PPFIA2: variants seen among roughly 807,000 people sequenced by gnomAD.
PPFIA2 encodes the protein liprin-alpha-2.
In PPFIA2, 46 loss-of-function variants were observed where a neutral mutation model predicts 175.5. The ratio of observed to expected loss-of-function variants is 0.26; its 90% confidence interval spans 0.21 to 0.34. The LOEUF (loss-of-function observed/expected upper bound fraction) is 0.34. Among genes scored for constraint, PPFIA2 ranks in the 10% least tolerant of loss-of-function variants. The probability of loss-of-function intolerance (pLI) is 1.00; values close to 1 mark genes in which losing one functional copy is unlikely to be tolerated. For synonymous variants in PPFIA2, 568 were observed against 511.4 expected (o/e 1.11, Z -1.49); for missense variants, 1,179 against 1,506.1 (o/e 0.78, Z 3.60).
intron 1 of PPFIA2, chr12:81,758,812 C>CG (rs2153672345): frequency 6.3e-6 from 1 of 159,764 alleles, no homozygotes; most frequent in East Asian, 1.8e-4. Context: ...GACCGGAGAC[C>CG]GGGGACTGGG....
chr12:81,691,926 C>T (rs10862342), intron 3 of PPFIA2, among the ~76,000 whole-genome samples: 51,914 of 151,874 alleles, frequency 0.34, 9,690 homozygotes, highest in Middle Eastern at 0.5. Flanking sequence ...CTAGTGATTT[C>T]TACCTCCTGG....
intron 3 of PPFIA2, among the ~76,000 whole-genome samples, chr12:81,749,888 T>C (rs2083523899): frequency 7.0e-6 from 1 of 143,878 alleles, no homozygotes; most frequent in Non-Finnish European, 1.6e-5. Flanking sequence ...TCTTTCTACA[T>C]CAAAATGCAC....
chr12:81,560,985 T>C (rs1348801313), intron 4 of PPFIA2, among the ~76,000 whole-genome samples: 4 of 152,164 alleles, frequency 2.6e-5, no homozygotes, highest in Non-Finnish European at 5.9e-5. Context: ...TCAATGAGCT[T>C]TGTTCCTAAA....
chr12:81,318,643 G>A (rs1312642022), intron 22 of PPFIA2, among the ~76,000 whole-genome samples: 2 of 151,692 alleles, frequency 1.3e-5, no homozygotes, highest in Non-Finnish European at 3.0e-5. Flanking sequence ...AAAGTGCTGG[G>A]TTATGCCACC....
intron 27 of PPFIA2, among the ~76,000 whole-genome samples, chr12:81,280,833 T>C (rs979949372): frequency 2.0e-5 from 3 of 152,098 alleles, no homozygotes; most frequent in African/African-American, 7.2e-5. Flanking sequence ...AACAATTTCT[T>C]CTCAAAATTT....
chr12:81,608,355 T>C (rs1365393696), intron 4 of PPFIA2, among the ~76,000 whole-genome samples: 1 of 152,120 alleles, frequency 6.6e-6, no homozygotes, highest in African/African-American at 2.4e-5. Flanking sequence ...TTTGGAATAG[T>C]TTCAGTAGGA....
chr12:81,420,033 C>A (rs1009393883), intron 7 of PPFIA2, among the ~76,000 whole-genome samples: 1 of 152,178 alleles, frequency 6.6e-6, no homozygotes, highest in African/African-American at 2.4e-5. Flanking sequence ...ACTAAAAACG[C>A]TGTAGTCTTC....
intron 7 of PPFIA2, among the ~76,000 whole-genome samples, chr12:81,420,289 G>T (rs1317103223): frequency 4.6e-5 from 7 of 152,102 alleles, no homozygotes; most frequent in Admixed American, 1.3e-4. Context: ...TCAAGAAAAT[G>T]CCACAAAAGG....
chr12:81,508,317 G>T (rs2061400628), intron 4 of PPFIA2, among the ~76,000 whole-genome samples: 1 of 151,686 alleles, frequency 6.6e-6, no homozygotes, highest in East Asian at 2.0e-4. Context: ...AGGTCGGGAG[G>T]TCGAGACCAG....
At chr12:81,322,054 C>T in intron 22 of PPFIA2, among the ~76,000 whole-genome samples, 1 of 152,136 alleles carries the variant, frequency 6.6e-6, no homozygotes, top group East Asian at 1.9e-4. Context: ...CAGGCTGGGT[C>T]TCAAATGCCT....
intron 11 of PPFIA2, among the ~76,000 whole-genome samples, chr12:81,371,931 A>T (rs2035236040): frequency 1.4e-5 from 2 of 146,500 alleles, no homozygotes; most frequent in South Asian, 4.4e-4. Flanking sequence ...ACACACAAAC[A>T]CACACACACA....
At chr12:81,745,423 G>A (rs2082910116) in intron 3 of PPFIA2, among the ~76,000 whole-genome samples, 2 of 152,262 alleles carry the variant, frequency 1.3e-5, no homozygotes, top group African/African-American at 4.8e-5. Flanking sequence ...AGACCACAGT[G>A]GCATGTGGCT....
At chr12:81,345,607 TAA>T (rs1293451522) in intron 18 of PPFIA2, among the ~76,000 whole-genome samples, 1 of 152,134 alleles carries the variant, frequency 6.6e-6, no homozygotes, top group East Asian at 1.9e-4. Flanking sequence ...CTTAAAAGTG[TAA>T]AACTGTGTTG....
chr12:81,597,840 T>G, intron 4 of PPFIA2: 2 of 1,087,844 alleles, frequency 1.8e-6, no homozygotes, highest in South Asian at 3.1e-5. Context: ...TCCATACATT[T>G]TCTTCAATAC....
At chr12:81,431,996 C>T (rs1370554031) in intron 7 of PPFIA2, among the ~76,000 whole-genome samples, 1 of 152,164 alleles carries the variant, frequency 6.6e-6, no homozygotes, top group Non-Finnish European at 1.5e-5. Flanking sequence ...ATTCATACCC[C>T]TACAATGAAT....
rs551832608 is a variant in PPFIA2 at position 81,709,507 on chromosome 12, G to A, written c.250-32663C>T. 5.3e-5 allele frequency among the ~76,000 whole-genome samples: 8 copies of A among 151,464 alleles called. No individual in the cohort carries two copies. The South Asian group carries it at 1.0e-3, about 20-fold the overall frequency. ...AAATGGTTGGTACACACACACACAC[G>A]CATGCATACCACACATACACACACA... On this transcript the variant is annotated intron_variant, in intron 3 of 32. Coordinates refer to ENST00000549396, the MANE Select transcript of PPFIA2 (RefSeq NM_003625.5).
At chr12:81,752,007 T>C (rs2083889540) in intron 3 of PPFIA2, among the ~76,000 whole-genome samples, 1 of 152,130 alleles carries the variant, frequency 6.6e-6, no homozygotes, top group Non-Finnish European at 1.5e-5. Flanking sequence ...AACTTCAAGC[T>C]TGAATAAAAT....
intron 7 of PPFIA2, 49 bp from the exon 8 acceptor site, chr12:81,405,952 T>C: frequency 9.4e-7 from 1 of 1,068,156 alleles, no homozygotes; most frequent in Non-Finnish European, 1.4e-6. Flanking sequence ...GGGAATAAAA[T>C]ATAAAAAGAA....
At chr12:81,605,955 C>A (rs531279669) in intron 4 of PPFIA2, among the ~76,000 whole-genome samples, 1 of 151,866 alleles carries the variant, frequency 6.6e-6, no homozygotes, top group Non-Finnish European at 1.5e-5. Context: ...AGTTTTTCAA[C>A]CCACGCTACA....
Sources: gnomAD v4.1 joint callset for allele counts (sites outside exome capture counted in the v4.1 genomes callset) on GRCh38, gnomAD v4.1.1 for gene constraint, MANE v1.5 for transcripts, NCBI Gene and HGNC (gene_info 2026-07-23, HGNC 2026-07-21) for gene names.